The following SDC2 variants were observed in gnomAD, a reference collection of about 807,000 sequenced individuals.
The protein encoded by SDC2 is syndecan-2.
Under a neutral mutation model 22.2 loss-of-function variants are expected in SDC2, and 13 were observed. The ratio of observed to expected loss-of-function variants is 0.59; its 90% CI spans 0.38 to 0.93. The LOEUF is 0.93. Among genes scored for constraint, SDC2 ranks in the 40% least tolerant of loss-of-function variants. The probability of loss-of-function intolerance (pLI) is 0.00; values close to 1 mark genes in which losing one functional copy is unlikely to be tolerated. For synonymous variants in SDC2, 94 were observed against 92.8 expected (o/e 1.01, Z -0.07); for missense variants, 235 against 246.8 (o/e 0.95, Z 0.32).
At chr8:96,562,592 G>C (rs914584104) in intron 1 of SDC2, among the ~76,000 whole-genome samples, 3 of 152,150 alleles carry the variant, frequency 2.0e-5, no homozygotes, top group African/African-American at 4.8e-5. Context: ...TCTTGTGCAG[G>C]CTTCTTGTTC....
intron 1 of SDC2, chr8:96,529,170 G>A (rs1813622612): frequency 6.6e-6 from 1 of 152,190 alleles, no homozygotes; most frequent in South Asian, 2.1e-4. Context: ...TAGATAATGA[G>A]TTGTCTTACT....
intron 1 of SDC2, among the ~76,000 whole-genome samples, chr8:96,542,548 A>G (rs912316390): frequency 6.6e-6 from 1 of 152,010 alleles, no homozygotes; most frequent in African/African-American, 2.4e-5. Flanking sequence ...AGCTTTTTCC[A>G]GTGGTCTCAA....
rs545367491 is a variant in SDC2 at position 96,580,466 on chromosome 8, A to G, written c.61-13014A>G. 9.2e-5 allele frequency: 91 copies of G among 985,354 alleles called. No homozygotes were observed. In the South Asian group the frequency reaches 2.9e-3, roughly 32 times the overall value. 61.0% of individuals were successfully genotyped at this position (985,354 alleles called of 1,614,324 possible). ...TGCTTGTTGCCACTGAGGGGTGGAC[A>G]TGTTTTCATTTGGCATCTTACATGT... On this transcript the variant is annotated intron_variant, in intron 1 of 4. Coordinates refer to ENST00000302190, the MANE Select transcript of SDC2 (RefSeq NM_002998.4).
chr8:96,517,176 A>G lies in SDC2; in HGVS notation c.60+22845A>G, dbSNP rs564101158. Among the ~76,000 whole-genome samples the G allele has an allele frequency of 1.2e-4, 19 of 152,092 alleles. No individual in the cohort carries two copies. In the South Asian group the frequency reaches 4.0e-3, roughly 32 times the overall value. ...GTATCTTATTGTGGTTCTGGTTTTC[A>G]TTTTCTTACTGACTGATGATGTTGA... On this transcript the variant is annotated intron_variant, in intron 1 of 4. Coordinates refer to ENST00000302190, the MANE Select transcript of SDC2 (RefSeq NM_002998.4).
chr8:96,586,220 A>G (rs992051767), intron 1 of SDC2, among the ~76,000 whole-genome samples: 1 of 152,192 alleles, frequency 6.6e-6, no homozygotes, highest in Non-Finnish European at 1.5e-5. Context: ...AAAAGAGACC[A>G]TGTAAGAGAA....
chr8:96,604,017 G>A (rs1815037002), intron 3 of SDC2, among the ~76,000 whole-genome samples: 1 of 152,226 alleles, frequency 6.6e-6, no homozygotes, highest in African/African-American at 2.4e-5. Context: ...CAGAGTGTGT[G>A]TGGCACAATT....
intron 1 of SDC2, chr8:96,538,825 G>T (rs7837061): frequency 0.57 from 87,255 of 152,120 alleles, 26,670 homozygotes; most frequent in Non-Finnish European, 0.7. Context: ...GCTGGGTCTG[G>T]GCTGTCCCGT....
chr8:96,534,663 C>T (rs888658368), intron 1 of SDC2, among the ~76,000 whole-genome samples: 2 of 151,986 alleles, frequency 1.3e-5, no homozygotes, highest in Non-Finnish European at 2.9e-5. Flanking sequence ...TCTCAAACTC[C>T]TGGACTCAGC....
intron 1 of SDC2, among the ~76,000 whole-genome samples, chr8:96,509,808 G>A (rs1283888580): frequency 6.6e-6 from 1 of 152,190 alleles, no homozygotes; most frequent in Non-Finnish European, 1.5e-5. Flanking sequence ...ATGTAATGAG[G>A]TGGCTTTCCA....
rs560075266 is a variant in SDC2 at position 96,501,944 on chromosome 8, T to C, written c.60+7613T>C. Among the ~76,000 whole-genome samples, 6 of 152,172 alleles carry C rather than the reference T, an allele frequency of 3.9e-5. No homozygotes were observed. In the South Asian group the frequency reaches 1.2e-3, roughly 32 times the overall value. On this transcript the variant is annotated intron_variant, in intron 1 of 4. Transcript: ENST00000302190. ...TTACAGAAAGGCAAGTAATTTCTAA[T>C]AGCTCATGGTAACCTGTTACCTTGA...
intron 1 of SDC2, among the ~76,000 whole-genome samples, chr8:96,589,690 C>T (rs371429891): frequency 4.6e-5 from 7 of 152,330 alleles, no homozygotes; most frequent in East Asian, 3.9e-4. Context: ...GGATTACAGG[C>T]GTGAGCCACT....
At chr8:96,590,989 T>C (rs1814771174) in intron 1 of SDC2, among the ~76,000 whole-genome samples, 1 of 152,148 alleles carries the variant, frequency 6.6e-6, no homozygotes, top group African/African-American at 2.4e-5. Flanking sequence ...AATACAGGCC[T>C]GACGGCTGTC....
At chr8:96,507,504 G>C (rs1368059827) in intron 1 of SDC2, among the ~76,000 whole-genome samples, 1 of 152,122 alleles carries the variant, frequency 6.6e-6, no homozygotes, top group African/African-American at 2.4e-5. Context: ...GAAACTTCAG[G>C]CTAATTATGG....
rs531247327 is a variant in SDC2, at chr8:96,545,764, G to A, written c.61-47716G>A. ...GTGGGCTTAGGGTGGTGGCCTGGGC[G>A]TCGGCATTTCTAACAGACATCCAGC... On this transcript the variant is annotated intron_variant, in intron 1 of 4. Coordinates refer to ENST00000302190, the MANE Select transcript of SDC2 (RefSeq NM_002998.4). 9.8e-5 allele frequency among the ~76,000 whole-genome samples: 15 copies of A among 152,330 alleles called. No individual in the cohort carries two copies. In the South Asian group the frequency reaches 1.2e-3, roughly 13 times the overall value.
chr8:96,525,148 A>G (rs553164702), intron 1 of SDC2, among the ~76,000 whole-genome samples: 23 of 152,228 alleles, frequency 1.5e-4, no homozygotes, highest in African/African-American at 4.3e-4. Context: ...CCTGTGCCCA[A>G]GTGTTCTTGA....
intron 2 of SDC2, among the ~76,000 whole-genome samples, chr8:96,599,103 G>A (rs1220173606): frequency 6.6e-6 from 1 of 151,718 alleles, no homozygotes; most frequent in Non-Finnish European, 1.5e-5. Context: ...CACCACACCT[G>A]GCTAATTCTT....
At chr8:96,494,433 C>T (rs547047104) in intron 1 of SDC2, 102 bp downstream of exon 1, 56 of 1,103,848 alleles carry the variant, frequency 5.1e-5, no homozygotes, top group Middle Eastern at 2.7e-4. Context: ...AACCCCCAGT[C>T]CCCAAGTATA....
chr8:96,576,872 C>T (rs972144241), intron 1 of SDC2, among the ~76,000 whole-genome samples: 6 of 152,170 alleles, frequency 3.9e-5, no homozygotes, highest in African/African-American at 1.4e-4. Flanking sequence ...ATGGTGAATA[C>T]ATTTCTAATA....
intron 1 of SDC2, among the ~76,000 whole-genome samples, chr8:96,495,686 G>A (rs975285112): frequency 1.6e-4 from 24 of 151,354 alleles, no homozygotes; most frequent in Non-Finnish European, 5.9e-5. Flanking sequence ...CCCCTTTTTT[G>A]TGCTGAGGCT....
Sources: allele counts gnomAD v4.1 joint callset (sites outside exome capture counted in the v4.1 genomes callset), GRCh38; gene constraint gnomAD v4.1.1; transcripts MANE v1.5; gene names NCBI Gene and HGNC (gene_info 2026-07-23, HGNC 2026-07-21).